Variants in RAI1 observed in about 807,000 individuals in gnomAD.
RAI1 encodes the protein retinoic acid-induced protein 1.
Under a neutral mutation model 123.8 loss-of-function variants are expected in RAI1, and 9 were observed. That is an observed-to-expected ratio of 0.07 (90% CI 0.04 to 0.13). RAI1 has a LOEUF of 0.13. RAI1 is among the 10% of genes least tolerant of loss of function. RAI1 has a pLI of 1.00. For synonymous variants in RAI1, 1,231 were observed against 1,127.3 expected, an observed-to-expected ratio of 1.09 and a Z score of -1.84; for missense variants, 2,256 against 2,545.8, an observed-to-expected ratio of 0.89 and a Z score of 2.45.
chr17:17,686,568 C>CGTGTGTGTGTGTGTGTGTGTGT, intron 1 of RAI1, among the ~76,000 whole-genome samples: 1 of 124,430 alleles, frequency 8.0e-6, no homozygotes. Context: ...TTCTTGAACC[C>CGTGTGTGTGTGTGTGTGTGTGT]GTGTGTGTGT....
Position 17,794,859 on chromosome 17 carries a change from C to G in RAI1, c.1911C>G (p.Ser637Arg), listed in dbSNP as rs1396985392. Residue 637 changes from serine (S) to arginine (R), a missense_variant, in exon 3 of 6, where the codon AGC becomes AGG. Coordinates refer to ENST00000353383, the MANE Select transcript of RAI1 (RefSeq NM_030665.4). ...AEAPSLVKDS[S>R]KPPFSLENHS... Reference sequence around the variant, plus strand: ...CACCCAGCCTGGTCAAGGACAGCAGCAAGCCACCCTTCTCGCTGGAGAACC... The same window carrying G: ...CACCCAGCCTGGTCAAGGACAGCAGGAAGCCACCCTTCTCGCTGGAGAACC... 4 of 1,613,182 alleles carry G rather than the reference C, an allele frequency of 2.5e-6. No individual in the cohort carries two copies. In the Admixed American group the frequency reaches 6.7e-5, roughly 27 times the overall value.
At chr17:17,803,454 T>C (rs1304621282) in intron 3 of RAI1, among the ~76,000 whole-genome samples, 2 of 152,120 alleles carry the variant, frequency 1.3e-5, no homozygotes, top group East Asian at 3.8e-4. Flanking sequence ...GTACAGGCAG[T>C]GGCGTCATCT....
At chr17:17,687,077 G>A (rs1011495352) in intron 1 of RAI1, among the ~76,000 whole-genome samples, 14 of 152,042 alleles carry the variant, frequency 9.2e-5, no homozygotes, top group African/African-American at 2.9e-4. Flanking sequence ...TCTGCCTCCC[G>A]GGTTCAAGCA....
rs2032132211 is a variant in RAI1, at chr17:17,794,015, A to G, written c.1067A>G (p.Tyr356Cys). ...CGCTCCGTGGGCCGCTCACCTTCCT[A>G]CAGTTCCACACCGTCGCCGCTGATG... ...PARSVGRSPS[Y>C]SSTPSPLMPN... The change falls in exon 3 of 6, where the codon TAC (tyrosine) becomes TGC (cysteine). Residue 356 changes from tyrosine (Y) to cysteine (C), a missense_variant. Tyr to Cys is a radical substitution (Grantham distance 194). Around this residue, in one of 7 missense-constraint regions of RAI1, gnomAD observed 357 missense variants for 480.2 expected, o/e 0.74. Transcript: ENST00000353383. The G allele has an allele frequency of 6.2e-7, 1 of 1,613,332 alleles. No homozygotes were observed. Among genetic ancestry groups the G allele is most frequent in the Non-Finnish European group, 8.5e-7 (1 of 1,179,912 alleles).
At chr17:17,736,682 A>G (rs1280558577) in intron 2 of RAI1, among the ~76,000 whole-genome samples, 1 of 152,164 alleles carries the variant, frequency 6.6e-6, no homozygotes, top group Non-Finnish European at 1.5e-5. Flanking sequence ...GATGAAAAGC[A>G]TTTCTGGAGG....
rs1466702122 is a variant in RAI1 at position 17,801,356 on chromosome 17, T to C, written c.5566-2400T>C. Among the ~76,000 whole-genome samples the C allele has an allele frequency of 6.6e-6, 1 of 152,134 alleles. No homozygotes were observed. Among genetic ancestry groups the C allele is most frequent in the Non-Finnish European group, 1.5e-5 (1 of 67,998 alleles). ...CCGCCACCCCTGCCCTCCTCTTGGG[T>C]AGCTGGGGTCAGAAGGGCCTGAGGC... On this transcript the variant is annotated intron_variant, in intron 3 of 5. Transcript: ENST00000353383. This position sits in a 1 kb window ranked among gnomAD's most constrained non-coding sequence, Gnocchi z 4.1.
At chr17:17,747,744 T>C (rs2029982242) in intron 2 of RAI1, among the ~76,000 whole-genome samples, 1 of 151,954 alleles carries the variant, frequency 6.6e-6, no homozygotes, top group South Asian at 2.1e-4. Flanking sequence ...TTGTCAGACA[T>C]GCAAAAAACT....
chr17:17,713,542 G>C (rs1915627674), intron 1 of RAI1, among the ~76,000 whole-genome samples: 1 of 152,198 alleles, frequency 6.6e-6, no homozygotes, highest in Non-Finnish European at 1.5e-5. Flanking sequence ...TCAAGAGGCT[G>C]AGGCAGGAGA....
chr17:17,724,334 G>A (rs1247365973), intron 2 of RAI1, among the ~76,000 whole-genome samples, 175 bp downstream of exon 2: 1 of 150,970 alleles, frequency 6.6e-6, no homozygotes, highest in Non-Finnish European at 1.5e-5. Flanking sequence ...CTGGAGTTGC[G>A]GATTTGCATG....
At chr17:17,707,883 C>T (rs79571890) in intron 1 of RAI1, among the ~76,000 whole-genome samples, 3,822 of 152,298 alleles carry the variant, frequency 0.025, 67 homozygotes, top group Non-Finnish European at 0.034. Context: ...TGTGAGCCAC[C>T]GTGCAGGCCA....
At chr17:17,728,509 A>G (rs1285598151) in intron 2 of RAI1, among the ~76,000 whole-genome samples, 1 of 152,224 alleles carries the variant, frequency 6.6e-6, no homozygotes, top group Non-Finnish European at 1.5e-5. Flanking sequence ...GGCAGGGCAT[A>G]GCCAGGTGGA....
At chr17:17,756,483 AC>A (rs1567876731) in intron 2 of RAI1, among the ~76,000 whole-genome samples, 4 of 152,140 alleles carry the variant, frequency 2.6e-5, no homozygotes, top group African/African-American at 9.7e-5. Flanking sequence ...AGGTGTGAGC[AC>A]TGCACCTGGC....
chr17:17,775,087 T>C (rs568553435), intron 2 of RAI1, among the ~76,000 whole-genome samples: 1 of 152,014 alleles, frequency 6.6e-6, no homozygotes, highest in Non-Finnish European at 1.5e-5. Flanking sequence ...CAGGTAGAAA[T>C]AGAATGAAAA....
intron 1 of RAI1, among the ~76,000 whole-genome samples, chr17:17,694,737 G>A (rs1914956205): frequency 6.7e-6 from 1 of 150,316 alleles, no homozygotes; most frequent in South Asian, 2.1e-4. Context: ...CGGGACCTTC[G>A]GGGCGCTGAG....
intron 2 of RAI1, among the ~76,000 whole-genome samples, chr17:17,788,693 G>A (rs367702730): frequency 3.4e-4 from 52 of 152,172 alleles, no homozygotes; most frequent in Non-Finnish European, 5.9e-5. Context: ...CCTCAGAGCT[G>A]CTGCTGGGGA....
Position 17,793,865 on chromosome 17 carries a change from A to G in RAI1, c.917A>G (p.Gln306Arg). 2 of 1,613,580 alleles carry G rather than the reference A, an allele frequency of 1.2e-6. No homozygotes were observed. The highest frequency in any genetic ancestry group is 1.7e-6 in the Non-Finnish European group (2 of 1,180,010). Residue 306 changes from glutamine to arginine, a missense_variant, in exon 3 of 6, where the codon CAA (glutamine) becomes CGA (arginine). By Grantham distance (43) the Gln-to-Arg change is conservative (BLOSUM62 1). Around this residue, in one of 7 missense-constraint regions of RAI1, gnomAD observed 357 missense variants for 480.2 expected, o/e 0.74. Transcript: ENST00000353383. Reference protein sequence around the residue: ...RHHAQETLHYQNLAKYQHYGQ... With the variant: ...RHHAQETLHYRNLAKYQHYGQ... ...CATGCCCAGGAAACCCTCCATTACC[A>G]AAACCTCGCCAAGTATCAGCACTAC...
rs536091507 is a variant in RAI1, at chr17:17,724,959, G to T, written c.-17+800G>T. Among the ~76,000 whole-genome samples, 3 of 151,776 alleles carry T rather than the reference G, an allele frequency of 2.0e-5. No individual in the cohort carries two copies. In the South Asian group the frequency reaches 6.2e-4, roughly 32 times the overall value. The stretch of plus-strand genomic sequence containing the variant: ...CTGCGCCCCAGTCTCACGCGCGGTC[G>T]AGTGGCCAGGCTGACAATGAAATCT... On this transcript the variant is annotated intron_variant, in intron 2 of 5. Coordinates refer to ENST00000353383, the MANE Select transcript of RAI1 (RefSeq NM_030665.4).
rs997910977 is a variant in RAI1, at chr17:17,719,988, G to A, written c.-148-4040G>A. ...GGCTTACCAGACCAGGGCTGAGCTT[G>A]AATGCGACTTCTGGGTCTTAGTGTA... is the stretch of plus-strand genomic sequence containing the variant. On this transcript the variant is annotated intron_variant, in intron 1 of 5. Transcript: ENST00000353383. 3.3e-5 allele frequency among the ~76,000 whole-genome samples: 5 copies of A among 152,170 alleles called. No homozygotes were observed. In the South Asian group the frequency reaches 1.0e-3, roughly 32 times the overall value.
At chr17:17,781,686 C>T (rs929640316) in intron 2 of RAI1, among the ~76,000 whole-genome samples, 1 of 152,244 alleles carries the variant, frequency 6.6e-6, no homozygotes, top group East Asian at 1.9e-4. Flanking sequence ...GCCCCTGGCA[C>T]TTTCCCAGTC....
Sources: gnomAD v4.1 joint callset for allele counts (sites outside exome capture counted in the v4.1 genomes callset) on GRCh38, gnomAD v4.1.1 for gene constraint, gnomAD v4.1.1 regional missense constraint, Gnocchi (gnomAD v3.1) non-coding constraint, MANE v1.5 for transcripts, NCBI Gene and HGNC (gene_info 2026-07-23, HGNC 2026-07-21) for gene names.